The following CSMD1 variants were observed in gnomAD, a reference collection of about 807,000 sequenced individuals.
CSMD1 encodes the protein CUB and sushi domain-containing protein 1.
Under a neutral mutation model 417.5 loss-of-function variants are expected in CSMD1, and 213 were observed. The ratio of observed to expected loss-of-function variants is 0.51; its 90% CI spans 0.46 to 0.57. CSMD1 has a LOEUF of 0.57. Ranked by LOEUF, CSMD1 falls within the 20% of genes least tolerant of loss-of-function variation. The probability of loss-of-function intolerance (pLI) is 0.00; values close to 1 mark genes in which losing one functional copy is unlikely to be tolerated. For missense variants in CSMD1, 6,923 were observed against 4,529.7 expected (o/e 1.53, Z -15.17); for synonymous variants, 2,862 against 1,736.8 (o/e 1.65, Z -16.11).
chr8:3,689,620 A>C (rs1332165716), intron 7 of CSMD1, among the ~76,000 whole-genome samples: 1 of 152,140 alleles, frequency 6.6e-6, no homozygotes, highest in African/African-American at 2.4e-5. Flanking sequence ...AAATATTTAG[A>C]GTGTGCTTAC....
At chr8:4,484,140 G>A (rs1480232798) in intron 2 of CSMD1, among the ~76,000 whole-genome samples, 1 of 151,652 alleles carries the variant, frequency 6.6e-6, no homozygotes, top group Non-Finnish European at 1.5e-5. Context: ...AAGGCTAGAA[G>A]GATTTGTGGA....
chr8:4,206,096 A>C (rs1799961399), intron 3 of CSMD1, among the ~76,000 whole-genome samples: 1 of 152,196 alleles, frequency 6.6e-6, no homozygotes. Context: ...GTGAGTAAAT[A>C]GGATAAACAA....
intron 49 of CSMD1, among the ~76,000 whole-genome samples, chr8:3,054,444 C>T (rs1232172757): frequency 6.6e-6 from 1 of 152,074 alleles, no homozygotes; most frequent in Non-Finnish European, 1.5e-5. Flanking sequence ...ATGGTGAAAC[C>T]CTGTCTCTAC....
At chr8:4,575,885 T>C (rs567402835) in intron 2 of CSMD1, among the ~76,000 whole-genome samples, 109 of 152,240 alleles carry the variant, frequency 7.2e-4, no homozygotes, top group African/African-American at 2.4e-3. Context: ...TGTCATTCAT[T>C]CCCCGTGTTA....
chr8:4,411,600 A>G (rs890270616), intron 3 of CSMD1, among the ~76,000 whole-genome samples: 1 of 152,192 alleles, frequency 6.6e-6, no homozygotes, highest in African/African-American at 2.4e-5. Flanking sequence ...AGTTATACGG[A>G]GAAAAATACA....
chr8:4,094,429 G>T (rs915155010), intron 3 of CSMD1, among the ~76,000 whole-genome samples: 8 of 152,104 alleles, frequency 5.3e-5, no homozygotes, highest in African/African-American at 1.9e-4. Flanking sequence ...TCAGGTGTGT[G>T]GATTTGCTGT....
intron 5 of CSMD1, among the ~76,000 whole-genome samples, chr8:3,854,741 G>A (rs572502960): frequency 1.6e-4 from 21 of 129,918 alleles, no homozygotes; most frequent in African/African-American, 6.0e-4. Flanking sequence ...AAACTCCAGA[G>A]GGGGTAAAAA....
chr8:3,919,827 C>A (rs1381913689), intron 5 of CSMD1, among the ~76,000 whole-genome samples: 1 of 152,012 alleles, frequency 6.6e-6, no homozygotes, highest in Non-Finnish European at 1.5e-5. Flanking sequence ...GTATAATTTT[C>A]AGTGTACAGA....
At chr8:3,109,344 T>G (rs1306539313) in intron 43 of CSMD1, among the ~76,000 whole-genome samples, 1 of 152,208 alleles carries the variant, frequency 6.6e-6, no homozygotes, top group Non-Finnish European at 1.5e-5. Context: ...GCTTAATCTA[T>G]GGGGCATGGC....
intron 29 of CSMD1, among the ~76,000 whole-genome samples, chr8:3,217,174 T>A (rs1797929714): frequency 6.6e-6 from 1 of 152,122 alleles, no homozygotes; most frequent in African/African-American, 2.4e-5. Context: ...CTACATGCAA[T>A]GACATCACTG....
intron 10 of CSMD1, among the ~76,000 whole-genome samples, chr8:3,521,170 C>T (rs1293567892): frequency 6.6e-6 from 1 of 152,132 alleles, no homozygotes; most frequent in African/African-American, 2.4e-5. Context: ...TTTATTAAAA[C>T]AGGTTAACTC....
intron 3 of CSMD1, among the ~76,000 whole-genome samples, chr8:4,374,963 G>GAT (rs1554450680): frequency 2.0e-5 from 2 of 102,378 alleles, no homozygotes; most frequent in East Asian, 6.6e-4. Context: ...AGGTGGGGTG[G>GAT]GGGGGGGGGG....
chr8:4,099,676 A>G (rs1334401774), intron 3 of CSMD1, among the ~76,000 whole-genome samples: 1 of 151,942 alleles, frequency 6.6e-6, no homozygotes, highest in Non-Finnish European at 1.5e-5. Flanking sequence ...TTATTTAAAT[A>G]CAAACAAACA....
intron 1 of CSMD1, among the ~76,000 whole-genome samples, chr8:4,664,825 T>C (rs1349939996): frequency 6.6e-6 from 1 of 152,170 alleles, no homozygotes; most frequent in Non-Finnish European, 1.5e-5. Flanking sequence ...ATCTTCTTTG[T>C]ATGCATTTCA....
At chr8:3,385,053 T>C (rs1354820739) in intron 18 of CSMD1, among the ~76,000 whole-genome samples, 1 of 115,258 alleles carries the variant, frequency 8.7e-6, no homozygotes, top group Non-Finnish European at 1.6e-5. Flanking sequence ...TATAAATATA[T>C]AATATATAAT....
chr8:4,867,425 T>A (rs537424992), intron 1 of CSMD1, among the ~76,000 whole-genome samples: 36 of 152,206 alleles, frequency 2.4e-4, no homozygotes, highest in South Asian at 1.2e-3. Context: ...AATACACCCC[T>A]GTAAATAAAG....
intron 30 of CSMD1, among the ~76,000 whole-genome samples, chr8:3,206,308 G>GTGTGTGTGTGGGGTGTGTGTT (rs1797255274): frequency 7.3e-6 from 1 of 136,532 alleles, no homozygotes; most frequent in Non-Finnish European, 1.6e-5. Context: ...GGGTGTGTGT[G>GTGTGTGTGTGGGGTGTGTGTT]TATCTGTGTG....
chr8:3,866,064 C>A (rs1295500006), intron 5 of CSMD1, among the ~76,000 whole-genome samples: 1 of 152,110 alleles, frequency 6.6e-6, no homozygotes, highest in Non-Finnish European at 1.5e-5. Flanking sequence ...AGTAAAATGT[C>A]TTTAAAAATT....
rs376912692 is a variant in CSMD1, at chr8:3,437,814, C to G, written c.1562-28209G>C. Among the ~76,000 whole-genome samples, 16 of 151,474 alleles carry G rather than the reference C, an allele frequency of 1.1e-4. No homozygotes were observed. The East Asian group carries it at 2.0e-3, about 19-fold the overall frequency. On this transcript the variant is annotated intron_variant, in intron 12 of 69. Coordinates refer to ENST00000635120, the MANE Select transcript of CSMD1 (RefSeq NM_033225.6). Reference sequence around the variant, plus strand: ...CCAGGCTGGAGTGCAGTGGCACAATCTCGGCTCACTGCAACCTCAGCCTCC... The same window carrying G: ...CCAGGCTGGAGTGCAGTGGCACAATGTCGGCTCACTGCAACCTCAGCCTCC...
Sources: allele counts gnomAD v4.1 joint callset (sites outside exome capture counted in the v4.1 genomes callset), GRCh38; gene constraint gnomAD v4.1.1; transcripts MANE v1.5; gene names NCBI Gene and HGNC (gene_info 2026-07-23, HGNC 2026-07-21).